Variants in CCDC136 observed in about 807,000 individuals in gnomAD.
The protein encoded by CCDC136 is coiled-coil domain containing 136.
In CCDC136, 100 loss-of-function variants were observed where a neutral mutation model predicts 141.2. That is an observed-to-expected ratio of 0.71 (90% CI 0.60 to 0.84). The LOEUF (loss-of-function observed/expected upper bound fraction) is 0.84. Among genes scored for constraint, CCDC136 ranks in the 40% least tolerant of loss-of-function variants. The probability of loss-of-function intolerance (pLI) is 0.00; values close to 1 mark genes in which losing one functional copy is unlikely to be tolerated. For missense variants in CCDC136, 1,206 were observed against 1,379.4 expected (o/e 0.87, Z 1.99); for synonymous variants, 474 against 531.9 (o/e 0.89, Z 1.50).
upstream of CCDC136, chr7:128,791,756 G>T (rs1802198099): frequency 4.9e-6 from 2 of 409,618 alleles, no homozygotes; most frequent in Non-Finnish European, 8.4e-6. The surrounding 1 kb of genome is among the most constrained non-coding windows in gnomAD (Gnocchi z 7.1). Context: ...GCCGCATCCT[G>T]CCTGGTGGTC....
intron 15 of CCDC136, 94 bp downstream of exon 15, chr7:128,815,013 A>T: frequency 9.2e-7 from 1 of 1,091,154 alleles, no homozygotes; most frequent in Non-Finnish European, 1.3e-6. Flanking sequence ...CAGGCAAGGG[A>T]TTTGTAGAGA....
chr7:128,806,697 T>G lies in CCDC136; in HGVS notation c.1258T>G (p.Cys420Gly). 1 of 1,610,024 alleles carries G rather than the reference T, an allele frequency of 6.2e-7. No homozygotes were observed. ...VENQSEKELLCRLQKLHLQHQ... is the reference protein window; with the variant it reads ...VENQSEKELLGRLQKLHLQHQ... ...GCCCCCTCTACCATAGGAGTTACTG[T>G]GCCGGCTGCAGAAGCTGCACCTCCA... Residue 420 changes from cysteine (C) to glycine (G), a missense_variant, in exon 9 of 18, where the codon TGC becomes GGC. Coordinates refer to ENST00000297788, the MANE Select transcript of CCDC136 (RefSeq NM_022742.5).
chr7:128,809,608 C>G lies in CCDC136; in HGVS notation c.1764C>G (p.Leu588=), dbSNP rs1309376213. The G allele has an allele frequency of 6.4e-6, 10 of 1,557,016 alleles. 1 individual carries two copies. The highest frequency in any genetic ancestry group is 2.2e-4 in the Middle Eastern group (1 of 4,480). ...AGCTGCAGGAAGAGCTGCACAGGCTCACACTGCCACTGCCAAAGAGTGGCC... is the reference window on the plus strand; with the variant it reads ...AGCTGCAGGAAGAGCTGCACAGGCTGACACTGCCACTGCCAAAGAGTGGCC... The part of the protein sequence containing the change: ...QGQLQEELHR[L]TLPLPKSGLL... Residue 588 remains leucine (L), a synonymous_variant, in exon 11 of 18, where the codon CTC becomes CTG. Transcript: ENST00000297788.
Position 128,792,164 on chromosome 7 carries a change from G to T in CCDC136, c.-248G>T. ...AGGGCTGAGAGGTGGCCGAGAGAGAGGAGTCGCAGAGCCGCCAGAGTGAGT... is the reference window on the plus strand; with the variant it reads ...AGGGCTGAGAGGTGGCCGAGAGAGATGAGTCGCAGAGCCGCCAGAGTGAGT... On this transcript the variant is annotated 5_prime_UTR_variant, in exon 1 of 18. In the 5' UTR this introduces an upstream ATG that the reference lacks. Transcript: ENST00000297788. 2 of 1,439,900 alleles carry T rather than the reference G, an allele frequency of 1.4e-6. No individual in the cohort carries two copies. The highest frequency in any genetic ancestry group is 1.8e-6 in the Non-Finnish European group (2 of 1,103,872). 89.2% of individuals were successfully genotyped at this position (1,439,900 alleles called of 1,614,324 possible). A position where few individuals can be genotyped will look rare whatever the true frequency, so the allele number is the denominator to read the frequency against.
At chr7:128,796,745 T>A (rs1395122814) in intron 3 of CCDC136, among the ~76,000 whole-genome samples, 8,996 of 108,484 alleles carry the variant, frequency 0.083, 1,721 homozygotes, top group African/African-American at 0.32. Flanking sequence ...ATATATTCTT[T>A]TTTTTTTTTT....
At chr7:128,796,739 A>ATATATATGTATATATATATTT in intron 3 of CCDC136, among the ~76,000 whole-genome samples, 1 of 113,376 alleles carries the variant, frequency 8.8e-6, no homozygotes, top group African/African-American at 4.6e-5. Context: ...ATATATATAT[A>ATATATATGTATATATATATTT]TTCTTTTTTT....
Position 128,811,917 on chromosome 7 carries a change from C to T in CCDC136, c.2146C>T (p.Leu716=). Residue 716 remains leucine (L), a synonymous_variant, in exon 13 of 18, where the codon CTG becomes TTG. Transcript: ENST00000297788. Reference sequence around the variant, plus strand: ...GAGGCTCCTAGAGGAGCGGAAGAGGCTGCAGGCAGACTTGCAGCTCTGCCT... The same window carrying T: ...GAGGCTCCTAGAGGAGCGGAAGAGGTTGCAGGCAGACTTGCAGCTCTGCCT... The part of the protein sequence containing the change: ...QGRLLEERKR[L]QADLQLCLEE... 6.2e-7 allele frequency: 1 copy of T among 1,613,912 alleles called. No individual in the cohort carries two copies. Among genetic ancestry groups the T allele is most frequent in the Non-Finnish European group, 8.5e-7 (1 of 1,179,846 alleles).
intron 13 of CCDC136, 89 bp from the exon 14 acceptor site, chr7:128,812,619 T>A: frequency 9.9e-7 from 1 of 1,005,162 alleles, no homozygotes; most frequent in South Asian, 1.4e-5. Flanking sequence ...CTGGTGGCCA[T>A]TGTTTGGTAT....
At chr7:128,798,133 G>A (rs2128898521) in intron 3 of CCDC136, among the ~76,000 whole-genome samples, 1 of 149,242 alleles carries the variant, frequency 6.7e-6, no homozygotes, top group Non-Finnish European at 1.5e-5. Flanking sequence ...TAGCCAGGAT[G>A]GTCTCGATCT....
chr7:128,796,739 A>ATATATATATATATTTTTTTT, intron 3 of CCDC136, among the ~76,000 whole-genome samples: 11 of 113,376 alleles, frequency 9.7e-5, no homozygotes, highest in Non-Finnish European at 1.2e-4. Context: ...ATATATATAT[A>ATATATATATATATTTTTTTT]TTCTTTTTTT....
intron 4 of CCDC136, among the ~76,000 whole-genome samples, chr7:128,803,121 A>G (rs1308768307): frequency 1.3e-5 from 2 of 152,246 alleles, no homozygotes; most frequent in Non-Finnish European, 2.9e-5. Flanking sequence ...AGAGCAAGTT[A>G]GTGTTCTTTA....
Position 128,794,566 on chromosome 7 carries a change from G to A in CCDC136, c.235G>A (p.Ala79Thr). The A allele has an allele frequency of 4.5e-6, 7 of 1,557,164 alleles. No individual in the cohort carries two copies. The highest frequency in any genetic ancestry group is 6.1e-6 in the Non-Finnish European group (7 of 1,150,394). The change falls in exon 2 of 18, where the codon GCA becomes ACA. Residue 79 changes from alanine (A) to threonine (T), a missense_variant. Coordinates refer to ENST00000297788, the MANE Select transcript of CCDC136 (RefSeq NM_022742.5). The surrounding 1 kb of genome is among the most constrained non-coding windows in gnomAD (Gnocchi z 4.3). ...VAELEETREL[A>T]GQHEDDSLEL... ...AGAACTGGAGGAGACCCGGGAACTG[G>A]CAGGGCAGCATGAGGATGACTCCTT...
At position 128,806,726 on chromosome 7, in the gene CCDC136, C is replaced by G. The variant is rs774599442; in HGVS notation, c.1287C>G (p.His429Gln). Reference protein sequence around the residue: ...LCRLQKLHLQHQNVTCEKEKL... With the variant: ...LCRLQKLHLQQQNVTCEKEKL... ...GGCTGCAGAAGCTGCACCTCCAGCA[C>G]CAGAACGTCACATGTGAGAAGGAAA... Residue 429 changes from histidine to glutamine, a missense_variant, in exon 9 of 18, where the codon CAC (histidine) becomes CAG (glutamine). Transcript: ENST00000297788. 9 of 1,611,220 alleles carry G rather than the reference C, an allele frequency of 5.6e-6. No individual in the cohort carries two copies. In the Admixed American group the frequency reaches 1.5e-4, roughly 27 times the overall value.
intron 13 of CCDC136, 140 bp downstream of exon 13, chr7:128,812,452 C>A: frequency 3.1e-6 from 3 of 981,878 alleles, no homozygotes; most frequent in Non-Finnish European, 4.4e-6. Context: ...TAAGCGAAGC[C>A]CTCTACCCAT....
At position 128,806,369 on chromosome 7, in the gene CCDC136, A is replaced by G. The variant is rs1449985705; in HGVS notation, c.1222A>G (p.Thr408Ala). ...ELRQLKVMKS[T>A]LVENQSEKEL... ...CCGGCAGCTCAAAGTCATGAAATCC[A>G]CACTTGTAGAAAACCAGAGTGAGAA... The change falls in exon 8 of 18, where the codon ACA becomes GCA. Residue 408 changes from threonine to alanine, a missense_variant. Physicochemically the swap from Thr to Ala is moderately conservative, Grantham distance 58. Coordinates refer to ENST00000297788, the MANE Select transcript of CCDC136 (RefSeq NM_022742.5). 4 of 1,604,850 alleles carry G rather than the reference A, an allele frequency of 2.5e-6. No homozygotes were observed. The highest frequency in any genetic ancestry group is 3.4e-6 in the Non-Finnish European group (4 of 1,175,392).
chr7:128,811,113 C>T (rs905681823), intron 12 of CCDC136: 5 of 323,748 alleles, frequency 1.5e-5, no homozygotes, highest in Non-Finnish European at 3.1e-5. Context: ...TCTATTCATT[C>T]AGATCTTATT....
intron 4 of CCDC136, among the ~76,000 whole-genome samples, chr7:128,802,523 G>T (rs1204571883): frequency 6.6e-6 from 1 of 152,158 alleles, no homozygotes; most frequent in Non-Finnish European, 1.5e-5. Context: ...AGGAGGTCTG[G>T]TTATGGTCTT....
Position 128,817,208 on chromosome 7 carries a change from TTC to T in CCDC136, c.3364-544_3364-543del, listed in dbSNP as rs540711106. ...TGTATTACCACCTTGCAAAATCGGT[TTC>T]TCTCTGGAAGATTGTTGCAGTGAAA... is the stretch of plus-strand genomic sequence containing the variant. On this transcript the variant is annotated intron_variant, in intron 16 of 17. Transcript: ENST00000297788. This position sits in a 1 kb window ranked among gnomAD's most constrained non-coding sequence, Gnocchi z 4.6. 3.9e-5 allele frequency among the ~76,000 whole-genome samples: 6 copies of T among 152,320 alleles called. No homozygotes were observed. Among genetic ancestry groups the T allele is most frequent in the South Asian group, 4.1e-4 (2 of 4,822 alleles).
chr7:128,791,964 C>A, upstream of CCDC136: 2 of 1,136,262 alleles, frequency 1.8e-6, no homozygotes, highest in African/African-American at 1.6e-5. The surrounding 1 kb of genome is among the most constrained non-coding windows in gnomAD (Gnocchi z 7.1). Flanking sequence ...CCACTCCTCC[C>A]TCCCTCCATC....
Sources: allele counts gnomAD v4.1 joint callset (sites outside exome capture counted in the v4.1 genomes callset), GRCh38; gene constraint gnomAD v4.1.1; non-coding constraint Gnocchi (gnomAD v3.1); transcripts MANE v1.5; gene names NCBI Gene and HGNC (gene_info 2026-07-23, HGNC 2026-07-21).